Variants in CDC42BPB observed in about 807,000 individuals in gnomAD.
CDC42BPB encodes CDC42 binding protein kinase beta.
CDC42BPB carries 37 observed loss-of-function variants against 214.9 expected under a neutral mutation model. The observed-to-expected ratio is 0.17, with a 90% CI of 0.13 to 0.23. CDC42BPB has a LOEUF of 0.23. CDC42BPB is among the 10% of genes least tolerant of loss of function. CDC42BPB has a pLI of 1.00. For synonymous variants in CDC42BPB, 931 were observed against 884.0 expected (o/e 1.05, Z -0.94); for missense variants, 1,694 against 2,227.0 (o/e 0.76, Z 4.82).
intron 5 of CDC42BPB, among the ~76,000 whole-genome samples, chr14:102,987,129 C>T (rs1019348051): frequency 4.6e-5 from 7 of 152,192 alleles, no homozygotes; most frequent in African/African-American, 9.7e-5. Context: ...AGGCAGGTGG[C>T]GATCTGGGGG....
At chr14:103,047,279 C>CTCA (rs1566926227) in intron 1 of CDC42BPB, among the ~76,000 whole-genome samples, 8,953 of 93,404 alleles carry the variant, frequency 0.096, 780 homozygotes, top group African/African-American at 0.26. Flanking sequence ...GTAATACTCT[C>CTCA]AAAAAAAAAA....
At chr14:102,971,889 A>T in intron 13 of CDC42BPB, 30 bp downstream of exon 13, 2 of 1,604,230 alleles carry the variant, frequency 1.2e-6, no homozygotes, top group Non-Finnish European at 1.7e-6. Context: ...TGTCCAGTCG[A>T]TACCATCCCT....
intron 27 of CDC42BPB, among the ~76,000 whole-genome samples, chr14:102,947,126 G>A (rs1461778417): frequency 6.6e-6 from 1 of 152,174 alleles, no homozygotes; most frequent in Non-Finnish European, 1.5e-5. Context: ...GTAATTTCCT[G>A]TACTGTGTAT....
chr14:102,997,301 A>G (rs1219292246), intron 5 of CDC42BPB, among the ~76,000 whole-genome samples: 1 of 152,174 alleles, frequency 6.6e-6, no homozygotes, highest in Non-Finnish European at 1.5e-5. Flanking sequence ...TAAAATCTCC[A>G]CACTGGATAA....
intron 3 of CDC42BPB, among the ~76,000 whole-genome samples, chr14:103,007,221 C>T (rs926834434): frequency 2.6e-5 from 4 of 152,176 alleles, no homozygotes; most frequent in East Asian, 1.9e-4. Context: ...TCAACCAACA[C>T]GCGTTCAGTG....
intron 5 of CDC42BPB, among the ~76,000 whole-genome samples, chr14:102,998,012 T>A (rs748320984): frequency 2.5e-4 from 38 of 152,064 alleles, no homozygotes; most frequent in Admixed American, 2.6e-4. Context: ...CTGGGCGTAA[T>A]GGCTACTCAG....
chr14:103,003,681 AC>A (rs2139608115), intron 4 of CDC42BPB, among the ~76,000 whole-genome samples: 1 of 152,328 alleles, frequency 6.6e-6, no homozygotes, highest in Admixed American at 6.5e-5. Flanking sequence ...AATGTAATAA[AC>A]CCAGCAAACA....
At chr14:102,958,843 AT>A (rs1192774628) in intron 21 of CDC42BPB, among the ~76,000 whole-genome samples, 49 of 146,746 alleles carry the variant, frequency 3.3e-4, no homozygotes, top group East Asian at 1.0e-3. Context: ...CTAGTGTGGG[AT>A]TTTTTTTTTT....
intron 24 of CDC42BPB, chr14:102,950,905 G>A (rs1892461461): frequency 6.5e-6 from 1 of 153,950 alleles, no homozygotes; most frequent in Admixed American, 6.5e-5. Flanking sequence ...GGCGGAGGTT[G>A]CAGTGAGCTG....
intron 1 of CDC42BPB, among the ~76,000 whole-genome samples, chr14:103,047,279 CAAAAAA>C (rs397852207): frequency 1.1e-5 from 1 of 93,504 alleles, no homozygotes; most frequent in African/African-American, 3.8e-5. Flanking sequence ...GTAATACTCT[CAAAAAA>C]AAAAAAAAAA....
At chr14:103,021,755 C>T (rs566574667) in intron 1 of CDC42BPB, among the ~76,000 whole-genome samples, 91 of 151,228 alleles carry the variant, frequency 6.0e-4, no homozygotes, top group African/African-American at 2.1e-3. Context: ...TCTGAGAAAA[C>T]CTGAGGAGCG....
Position 102,954,264 on chromosome 14 carries a change from C to G in CDC42BPB, c.3000G>C (p.Arg1000=). ...AASEQQEDMA[R]PPQRPSAVPL... is the part of the protein sequence containing the mutation. The stretch of plus-strand genomic sequence containing the variant: ...GCACAGCGGATGGCCTCTGCGGGGG[C>G]CGAGCCATGTCCTGGGAGACAAGCA... Residue 1000 remains arginine, a synonymous_variant, in exon 23 of 37, where the codon CGG becomes CGC. Coordinates refer to ENST00000361246, the MANE Select transcript of CDC42BPB (RefSeq NM_006035.4). 6.5e-7 allele frequency: 1 copy of G among 1,531,398 alleles called. No individual in the cohort carries two copies. Among genetic ancestry groups the G allele is most frequent in the Non-Finnish European group, 8.8e-7 (1 of 1,141,376 alleles). 94.9% of individuals were successfully genotyped at this position (1,531,398 alleles called of 1,614,324 possible).
At chr14:102,951,945 G>A (rs562114727) in intron 24 of CDC42BPB, among the ~76,000 whole-genome samples, 26 of 152,340 alleles carry the variant, frequency 1.7e-4, no homozygotes, top group African/African-American at 5.5e-4. Context: ...CTACTTCGTA[G>A]TAATTCTCAG....
At chr14:103,026,585 G>T (rs1887066425) in intron 1 of CDC42BPB, among the ~76,000 whole-genome samples, 1 of 151,254 alleles carries the variant, frequency 6.6e-6, no homozygotes. Context: ...AAAGATGGCT[G>T]GGCATGGGTG....
rs754951499 is a variant in CDC42BPB, at chr14:102,949,947, G to A, written c.3310-43C>T. The A allele has an allele frequency of 2.5e-6, 4 of 1,607,762 alleles. No homozygotes were observed. In the South Asian group the frequency reaches 4.4e-5, roughly 18 times the overall value. ...CAGTGGCCACGTTCCACCAGGCCAG[G>A]CAGGCCGCCAGGCCCCATTACACTC... On this transcript the variant is annotated intron_variant, in intron 25 of 36. Transcript: ENST00000361246.
chr14:102,980,485 GTC>G (rs1893950225), intron 8 of CDC42BPB, among the ~76,000 whole-genome samples: 1 of 151,088 alleles, frequency 6.6e-6, no homozygotes, highest in South Asian at 2.1e-4. Flanking sequence ...GAGCAAGACT[GTC>G]TCAAAAAAAA....
chr14:102,967,013 G>C (rs1321020157), intron 17 of CDC42BPB, 33 bp downstream of exon 17: 2 of 1,605,996 alleles, frequency 1.2e-6, no homozygotes, highest in Non-Finnish European at 1.7e-6. Context: ...GCAGGGAGCG[G>C]ATTCACGGCC....
rs1486224985 is a variant in CDC42BPB, at chr14:102,983,611, G to A, written c.836C>T (p.Thr279Met). ...VCMYEMLYGE[T>M]PFYAESLVET... ...CACGAGTGACTCCGCATAAAACGGC[G>A]TTTCTCCATAGAGCATCTCATACAT... The change falls in exon 7 of 37, where the codon ACG (threonine) becomes ATG (methionine). Residue 279 changes from threonine (T) to methionine (M), a missense_variant. Physicochemically the swap from Thr to Met is moderately conservative, Grantham distance 81. Around this residue, in one of 7 missense-constraint regions of CDC42BPB, gnomAD observed 225 missense variants for 459.3 expected, o/e 0.49. Coordinates refer to ENST00000361246, the MANE Select transcript of CDC42BPB (RefSeq NM_006035.4). 7 of 1,612,378 alleles carry A rather than the reference G, an allele frequency of 4.3e-6. No homozygotes were observed. The highest frequency in any genetic ancestry group is 2.2e-5 in the East Asian group (1 of 44,880).
intron 13 of CDC42BPB, among the ~76,000 whole-genome samples, chr14:102,971,119 T>TC (rs1893453456): frequency 6.6e-6 from 1 of 152,136 alleles, no homozygotes; most frequent in African/African-American, 2.4e-5. Context: ...CAGGATTTCT[T>TC]CATGTACTTT....
Sources: gnomAD v4.1 joint callset for allele counts (sites outside exome capture counted in the v4.1 genomes callset) on GRCh38, gnomAD v4.1.1 for gene constraint, gnomAD v4.1.1 regional missense constraint, MANE v1.5 for transcripts, NCBI Gene and HGNC (gene_info 2026-07-23, HGNC 2026-07-21) for gene names.